AGBL4: variants seen among roughly 807,000 people sequenced by gnomAD.
The protein encoded by AGBL4 is cytosolic carboxypeptidase 6.
A neutral mutation model predicts 66.4 loss-of-function variants in AGBL4; 58 were observed. The observed-to-expected ratio is 0.87, with a 90% CI of 0.71 to 1.09. The LOEUF is 1.09. AGBL4 is among the 50% of genes least tolerant of loss of function. AGBL4 has a pLI of 0.00. For missense variants in AGBL4, 579 were observed against 631.0 expected, an observed-to-expected ratio of 0.92 and a Z score of 0.88; for synonymous variants, 234 against 222.9, an observed-to-expected ratio of 1.05 and a Z score of -0.44.
chr1:48,844,232 C>G (rs1176626097), intron 6 of AGBL4, among the ~76,000 whole-genome samples: 1 of 152,156 alleles, frequency 6.6e-6, no homozygotes, highest in Non-Finnish European at 1.5e-5. Flanking sequence ...ACCTAACCCA[C>G]AGTTAATCAA....
chr1:48,893,764 G>T (rs7512366), intron 5 of AGBL4, among the ~76,000 whole-genome samples: 2 of 151,958 alleles, frequency 1.3e-5, no homozygotes, highest in Non-Finnish European at 2.9e-5. Context: ...TCTACCATGC[G>T]AGGCTACAAG....
At chr1:49,648,181 A>T (rs1411409976) in intron 3 of AGBL4, among the ~76,000 whole-genome samples, 1 of 152,102 alleles carries the variant, frequency 6.6e-6, no homozygotes, top group Non-Finnish European at 1.5e-5. Flanking sequence ...AAGAACAACA[A>T]AGAAATTCTA....
chr1:48,794,281 A>T (rs1460099201), intron 6 of AGBL4, among the ~76,000 whole-genome samples: 1 of 152,080 alleles, frequency 6.6e-6, no homozygotes, highest in African/African-American at 2.4e-5. Context: ...CTCCCACTGG[A>T]TCTTCAACCT....
At chr1:49,914,328 A>G (rs561554955) in intron 1 of AGBL4, among the ~76,000 whole-genome samples, 6 of 152,318 alleles carry the variant, frequency 3.9e-5, no homozygotes, top group African/African-American at 1.4e-4. Flanking sequence ...TAAGTTCTGC[A>G]TTCCACAAAG....
chr1:49,260,177 T>C (rs1019470412), intron 3 of AGBL4, among the ~76,000 whole-genome samples: 16 of 151,924 alleles, frequency 1.1e-4, no homozygotes, highest in Non-Finnish European at 1.8e-4. Context: ...GGGAAATTTA[T>C]AGCACTGAAT....
At chr1:48,791,269 A>C (rs578149116) in intron 6 of AGBL4, among the ~76,000 whole-genome samples, 303 of 152,340 alleles carry the variant, frequency 2.0e-3, no homozygotes, top group African/African-American at 7.1e-3. Flanking sequence ...AGTCTTAAGT[A>C]AACATATCCC....
In AGBL4 at chr1:48,540,335, C is replaced by T. The variant is rs540090269; in HGVS notation, c.1268-597G>A. 5.5e-4 allele frequency among the ~76,000 whole-genome samples: 83 copies of T among 152,236 alleles called. 1 individual carries two copies. Among genetic ancestry groups the T allele is most frequent in the Non-Finnish European group, 7.6e-4 (52 of 68,012 alleles). On this transcript the variant is annotated intron_variant, in intron 11 of 13. Coordinates refer to ENST00000371839, the MANE Select transcript of AGBL4 (RefSeq NM_032785.4). ...AAAGCACAAACTTCTTGGGGAAGGG[C>T]CAATTTCATATTGACCATTAACACC...
intron 1 of AGBL4, among the ~76,000 whole-genome samples, chr1:49,957,883 T>C (rs1656758421): frequency 6.6e-6 from 1 of 152,122 alleles, no homozygotes. Context: ...TTGTTATGTG[T>C]GAATTTGATC....
chr1:49,305,229 A>G (rs1644827760), intron 3 of AGBL4, among the ~76,000 whole-genome samples: 1 of 152,232 alleles, frequency 6.6e-6, no homozygotes, highest in Non-Finnish European at 1.5e-5. Flanking sequence ...TCTTTAATTC[A>G]GTCAACTGAC....
At chr1:49,831,671 G>A (rs924440393) in intron 2 of AGBL4, among the ~76,000 whole-genome samples, 4 of 152,238 alleles carry the variant, frequency 2.6e-5, no homozygotes, top group East Asian at 1.9e-4. Context: ...GTGAGAGAAG[G>A]CATCCTTGTC....
rs547791855 is a variant in AGBL4 at position 49,804,493 on chromosome 1, G to A, written c.157+46903C>T. Among the ~76,000 whole-genome samples the A allele has an allele frequency of 4.6e-5, 7 of 152,250 alleles. 1 individual carries two copies. In the South Asian group the frequency reaches 1.2e-3, roughly 27 times the overall value. On this transcript the variant is annotated intron_variant, in intron 2 of 13. Coordinates refer to ENST00000371839, the MANE Select transcript of AGBL4 (RefSeq NM_032785.4). ...CTTAAGAGTATTCAACATTTATTAT[G>A]GAGTATAATTTCACCTATATGCAAG...
intron 3 of AGBL4, among the ~76,000 whole-genome samples, chr1:49,610,203 T>C (rs1645129846): frequency 6.6e-6 from 1 of 152,196 alleles, no homozygotes; most frequent in Non-Finnish European, 1.5e-5. Flanking sequence ...TTCTATTTAG[T>C]GTCAGGAATT....
chr1:48,693,483 C>G (rs1193191688), intron 6 of AGBL4, among the ~76,000 whole-genome samples: 1 of 152,170 alleles, frequency 6.6e-6, no homozygotes, highest in Non-Finnish European at 1.5e-5. Context: ...GACCTGTCGG[C>G]TGACTCCACA....
chr1:49,237,444 T>A (rs1650849168), intron 4 of AGBL4, among the ~76,000 whole-genome samples: 1 of 150,294 alleles, frequency 6.7e-6, no homozygotes, highest in African/African-American at 2.5e-5. Flanking sequence ...CAGTCTTAGG[T>A]ATGTCTTTAT....
intron 3 of AGBL4, among the ~76,000 whole-genome samples, chr1:49,680,731 C>T (rs995097564): frequency 6.6e-6 from 1 of 152,014 alleles, no homozygotes; most frequent in Non-Finnish European, 1.5e-5. Context: ...GAGGTTCACC[C>T]AATCTATAGG....
chr1:48,576,597 G>T (rs1211404777), intron 11 of AGBL4, among the ~76,000 whole-genome samples: 1 of 152,128 alleles, frequency 6.6e-6, no homozygotes, highest in African/African-American at 2.4e-5. Flanking sequence ...TCCTCACTCA[G>T]TCCCAGGCAA....
At chr1:49,633,870 T>C (rs1229823112) in intron 3 of AGBL4, among the ~76,000 whole-genome samples, 3 of 135,432 alleles carry the variant, frequency 2.2e-5, no homozygotes, top group Non-Finnish European at 5.0e-5. Context: ...TATAGTTAAA[T>C]AATTTATGAA....
chr1:49,495,567 G>C (rs1647476618), intron 3 of AGBL4, among the ~76,000 whole-genome samples: 1 of 151,832 alleles, frequency 6.6e-6, no homozygotes, highest in Non-Finnish European at 1.5e-5. Context: ...ACCAGGTTTG[G>C]AGAACCTGAT....
intron 5 of AGBL4, among the ~76,000 whole-genome samples, chr1:48,966,306 A>G (rs1384953152): frequency 6.6e-6 from 1 of 152,170 alleles, no homozygotes; most frequent in Non-Finnish European, 1.5e-5. Context: ...TGTTTTAAAT[A>G]AAAGTCTTAA....
Sources: gnomAD v4.1 joint callset for allele counts (sites outside exome capture counted in the v4.1 genomes callset) on GRCh38, gnomAD v4.1.1 for gene constraint, MANE v1.5 for transcripts, NCBI Gene and HGNC (gene_info 2026-07-23, HGNC 2026-07-21) for gene names.